PRMT9: variants seen among roughly 807,000 people sequenced by gnomAD.
The protein encoded by PRMT9 is protein arginine N-methyltransferase 9.
In PRMT9, 59 loss-of-function variants were observed where a neutral mutation model predicts 83.2. The ratio of observed to expected loss-of-function variants is 0.71; its 90% CI spans 0.57 to 0.88. PRMT9 has a LOEUF of 0.88. Among genes scored for constraint, PRMT9 ranks in the 40% least tolerant of loss-of-function variants. The pLI, the probability that PRMT9 is intolerant of heterozygous loss-of-function variation, is 0.00. For synonymous variants in PRMT9, 333 were observed against 353.2 expected, an observed-to-expected ratio of 0.94 and a Z score of 0.64; for missense variants, 947 against 1,021.9, an observed-to-expected ratio of 0.93 and a Z score of 1.00.
chr4:147,652,269 T>C (rs1175413597), intron 9 of PRMT9, among the ~76,000 whole-genome samples: 1 of 152,062 alleles, frequency 6.6e-6, no homozygotes, highest in African/African-American at 2.4e-5. Flanking sequence ...TCCACAAAAT[T>C]TCTGGCTATT....
At position 147,642,783 on chromosome 4, in the gene PRMT9, T is replaced by C. The variant is rs745331412; in HGVS notation, c.2199+4A>G. ...CTGGTTGAACTTCTCCTCTAGACAC[T>C]TACCTGAAACTGGTTAATAAAAGGT... On this transcript the variant is annotated splice_donor_region_variant and intron_variant, in intron 10 of 11. Transcript: ENST00000322396. 5 of 1,612,714 alleles carry C rather than the reference T, an allele frequency of 3.1e-6. No individual in the cohort carries two copies. The highest frequency in any genetic ancestry group is 1.6e-4 in the Middle Eastern group (1 of 6,076).
chr4:147,640,339 C>T (rs1172610392), intron 10 of PRMT9, among the ~76,000 whole-genome samples: 1 of 152,018 alleles, frequency 6.6e-6, no homozygotes, highest in East Asian at 1.9e-4. Flanking sequence ...TCCCAAAGGG[C>T]TAGGATTATA....
intron 9 of PRMT9, among the ~76,000 whole-genome samples, chr4:147,646,921 C>T (rs1008426717): frequency 1.3e-5 from 2 of 152,142 alleles, no homozygotes; most frequent in Non-Finnish European, 2.9e-5. Context: ...CTCCATCTTG[C>T]TTCTAACCTC....
At chr4:147,642,656 A>C (rs1308061569) in intron 10 of PRMT9, 131 bp downstream of exon 10, 6 of 809,932 alleles carry the variant, frequency 7.4e-6, no homozygotes, top group Non-Finnish European at 1.0e-5. Flanking sequence ...ATAGGTAAAA[A>C]TCTAAGTCAC....
chr4:147,656,632 C>T (rs181152276), intron 8 of PRMT9, among the ~76,000 whole-genome samples: 29 of 151,654 alleles, frequency 1.9e-4, no homozygotes, highest in Non-Finnish European at 2.9e-4. Flanking sequence ...ATTAGCTGGG[C>T]GTGGTGGCAT....
chr4:147,662,392 T>C (rs958226027), intron 6 of PRMT9, among the ~76,000 whole-genome samples: 1 of 152,210 alleles, frequency 6.6e-6, no homozygotes, highest in Admixed American at 6.5e-5. Context: ...ATAGCGGTAA[T>C]ATTCTGGTCC....
At chr4:147,639,155 C>T in intron 10 of PRMT9, 73 bp from the exon 11 acceptor site, 2 of 1,511,140 alleles carry the variant, frequency 1.3e-6, no homozygotes, top group South Asian at 1.1e-5. Flanking sequence ...CACTTTTACA[C>T]ATTCCTTTTG....
Position 147,654,179 on chromosome 4 carries a change from T to G in PRMT9, c.1718A>C (p.Asn573Thr). The stretch of plus-strand genomic sequence containing the variant: ...AGGTTCAAGGATGTTCTGTACAGTA[T>G]TACTCTGTCCAGTTCCAGAGCTCAT... ...NEMSSGTGQS[N>T]TVQNILEPFY... The change falls in exon 9 of 12, where the codon AAT becomes ACT. Residue 573 changes from asparagine (N) to threonine (T), a missense_variant. By Grantham distance (65) the Asn-to-Thr change is moderately conservative. Transcript: ENST00000322396. 6.2e-7 allele frequency: 1 copy of G among 1,614,222 alleles called. No individual in the cohort carries two copies.
At chr4:147,659,555 C>T (rs1382070409) in intron 7 of PRMT9, among the ~76,000 whole-genome samples, 1 of 148,316 alleles carries the variant, frequency 6.7e-6, no homozygotes, top group East Asian at 2.0e-4. Context: ...GTAACCTTTC[C>T]AATTTCTTTG....
At chr4:147,663,353 A>C (rs950388350) in intron 6 of PRMT9, among the ~76,000 whole-genome samples, 36 of 151,700 alleles carry the variant, frequency 2.4e-4, no homozygotes, top group African/African-American at 8.7e-4. Context: ...AAGTTGAAAC[A>C]AAAAAGATGT....
chr4:147,683,263 A>G (rs1302828612), intron 1 of PRMT9, among the ~76,000 whole-genome samples: 1 of 152,212 alleles, frequency 6.6e-6, no homozygotes, highest in East Asian at 1.9e-4. Flanking sequence ...ATCACGTGAG[A>G]CCTCATTTCC....
At chr4:147,665,116 T>C (rs1252295778) in intron 6 of PRMT9, among the ~76,000 whole-genome samples, 4 of 91,722 alleles carry the variant, frequency 4.4e-5, no homozygotes, top group African/African-American at 1.5e-4. Context: ...AGCGAAACTC[T>C]GTCTAAACAA....
intron 9 of PRMT9, among the ~76,000 whole-genome samples, chr4:147,653,376 A>G (rs1165160238): frequency 6.6e-6 from 1 of 151,808 alleles, no homozygotes; most frequent in Non-Finnish European, 1.5e-5. Flanking sequence ...CAGGAGGCGG[A>G]GGTTGCAGTG....
chr4:147,647,257 C>T lies in PRMT9; in HGVS notation c.2046-4317G>A, dbSNP rs151035629. On this transcript the variant is annotated intron_variant, in intron 9 of 11. Coordinates refer to ENST00000322396, the MANE Select transcript of PRMT9 (RefSeq NM_138364.4). ...CTGCCCCAATTGCTCCTATAGATAA[C>T]ATCAGTATTGTAAAACCTAAGATTG... Among the ~76,000 whole-genome samples the T allele has an allele frequency of 1.4e-3, 215 of 152,246 alleles. 1 individual carries two copies. Among genetic ancestry groups the T allele is most frequent in the African/African-American group, 4.7e-3 (195 of 41,546 alleles).
intron 9 of PRMT9, among the ~76,000 whole-genome samples, chr4:147,652,599 T>C (rs1297588637): frequency 6.6e-6 from 1 of 151,172 alleles, no homozygotes; most frequent in Admixed American, 6.6e-5. Context: ...AGTGGAAAAA[T>C]CACTTGAGCC....
intron 9 of PRMT9, among the ~76,000 whole-genome samples, chr4:147,653,449 A>AT (rs1277945090): frequency 1.6e-5 from 2 of 127,524 alleles, no homozygotes; most frequent in African/African-American, 4.1e-5. Flanking sequence ...TCTTAAAAAA[A>AT]AAAAATATAT....
chr4:147,673,572 T>A, intron 3 of PRMT9, 66 bp downstream of exon 3: 1 of 1,025,926 alleles, frequency 9.7e-7, no homozygotes, highest in Non-Finnish European at 1.5e-6. Context: ...ATTTTCCATA[T>A]CTGGCAAAAT....
intron 9 of PRMT9, among the ~76,000 whole-genome samples, chr4:147,648,910 G>A (rs1390523929): frequency 1.3e-5 from 2 of 152,142 alleles, no homozygotes; most frequent in East Asian, 1.9e-4. Flanking sequence ...CAGATAAAAT[G>A]ACCATTGCCT....
At chr4:147,676,389 T>C (rs982190625) in intron 2 of PRMT9, among the ~76,000 whole-genome samples, 33 of 152,214 alleles carry the variant, frequency 2.2e-4, no homozygotes, top group African/African-American at 6.8e-4. Context: ...AATTAAAATA[T>C]AGATTTTTTT....
Sources: gnomAD v4.1 joint callset for allele counts (sites outside exome capture counted in the v4.1 genomes callset) on GRCh38, gnomAD v4.1.1 for gene constraint, MANE v1.5 for transcripts, NCBI Gene and HGNC (gene_info 2026-07-23, HGNC 2026-07-21) for gene names.